Variants in RGS6 observed in about 807,000 individuals in gnomAD.
The protein encoded by RGS6 is regulator of G protein signaling 6, also known as regulator of G-protein signaling 6.
RGS6 carries 30 observed loss-of-function variants against 78.5 expected under a neutral mutation model. The ratio of observed to expected loss-of-function variants is 0.38; its 90% CI spans 0.29 to 0.52. The LOEUF is 0.52. Ranked by LOEUF, RGS6 falls within the 20% of genes least tolerant of loss-of-function variation. The pLI, the probability that RGS6 is intolerant of heterozygous loss-of-function variation, is 0.85. For synonymous variants in RGS6, 206 were observed against 206.0 expected, an observed-to-expected ratio of 1.00 and a Z score of 0.00; for missense variants, 495 against 609.7, an observed-to-expected ratio of 0.81 and a Z score of 1.98.
intron 3 of RGS6, among the ~76,000 whole-genome samples, chr14:72,385,401 T>G (rs2239221): frequency 0.53 from 80,894 of 152,028 alleles, 23,461 homozygotes; most frequent in African/African-American, 0.77. Flanking sequence ...CAGACAGTGT[T>G]CACATTTGGA....
the RGS6 span, among the ~76,000 whole-genome samples, chr14:72,591,858 G>A: frequency 2.6e-5 from 4 of 152,264 alleles, no homozygotes; most frequent in East Asian, 1.9e-4. Context: ...TAGCCTCACC[G>A]TGGACATCCT....
intron 2 of RGS6, among the ~76,000 whole-genome samples, chr14:72,186,573 A>G (rs2097251028): frequency 6.6e-6 from 1 of 152,100 alleles, no homozygotes; most frequent in African/African-American, 2.4e-5. Context: ...TCTGTCTGGG[A>G]TAATAAAAAC....
At chr14:72,260,018 C>A (rs2057856616) in intron 2 of RGS6, among the ~76,000 whole-genome samples, 1 of 151,880 alleles carries the variant, frequency 6.6e-6, no homozygotes, top group Non-Finnish European at 1.5e-5. Context: ...CCCAGAGTAT[C>A]CATTCCAATT....
intron 2 of RGS6, among the ~76,000 whole-genome samples, chr14:72,003,884 G>A (rs780992838): frequency 6.6e-6 from 1 of 152,136 alleles, no homozygotes; most frequent in Non-Finnish European, 1.5e-5. Context: ...CTCCCAGGAC[G>A]GCGCATGAGC....
chr14:72,484,748 T>A (rs757708571), intron 12 of RGS6, among the ~76,000 whole-genome samples: 5 of 152,158 alleles, frequency 3.3e-5, no homozygotes, highest in Non-Finnish European at 7.4e-5. Flanking sequence ...AGGTTTTGCA[T>A]TAATAACTGT....
At position 72,010,659 on chromosome 14, in the gene RGS6, T is replaced by G. The variant is rs550833228; in HGVS notation, c.84+45784T>G. ...CAACAAACCAGATTGAAAATCAAAA[T>G]GGAGTCACTCATGCTAAAGTTCCAT... On this transcript the variant is annotated intron_variant, in intron 2 of 17. Coordinates refer to ENST00000553525, the MANE Select transcript of RGS6 (RefSeq NM_001204424.2). Among the ~76,000 whole-genome samples, 5 of 152,258 alleles carry G rather than the reference T, an allele frequency of 3.3e-5. No homozygotes were observed. In the South Asian group the frequency reaches 1.0e-3, roughly 32 times the overall value.
rs55943058 is a variant in RGS6 at position 72,363,999 on chromosome 14, T to TAAAAAAAAAAAAAAAA, written c.184+11817_184+11832dup. On this transcript the variant is annotated intron_variant, in intron 3 of 17. Transcript: ENST00000553525. ...ACCATCACTTGTCAGTGGACAAGGCTAAAAAAAAAAAAAAAAAAAAAAAAA... is the reference window on the plus strand; with the variant it reads ...ACCATCACTTGTCAGTGGACAAGGCTAAAAAAAAAAAAAAAAAAAAAAAAAAAAAAAAAAAAAAAAA... 1.1e-4 allele frequency among the ~76,000 whole-genome samples: 5 copies of TAAAAAAAAAAAAAAAA among 46,800 alleles called. 2 individuals are homozygous for TAAAAAAAAAAAAAAAA. The highest frequency in any genetic ancestry group is 2.6e-4 in the African/African-American group (4 of 15,210). 30.7% of individuals were successfully genotyped at this position (46,800 alleles called of 152,430 possible). A position where few individuals can be genotyped will look rare whatever the true frequency, so the allele number is the denominator to read the frequency against.
intron 2 of RGS6, among the ~76,000 whole-genome samples, chr14:72,134,746 G>C (rs1383947898): frequency 6.6e-6 from 1 of 152,204 alleles, no homozygotes; most frequent in Non-Finnish European, 1.5e-5. Flanking sequence ...AGAACCAGGG[G>C]AGTTGATGGT....
intron 2 of RGS6, among the ~76,000 whole-genome samples, chr14:72,303,748 A>G (rs1376236722): frequency 6.6e-6 from 1 of 152,208 alleles, no homozygotes; most frequent in Non-Finnish European, 1.5e-5. Context: ...TGTTTCAGCC[A>G]GAGATACTCT....
intron 3 of RGS6, among the ~76,000 whole-genome samples, chr14:72,425,118 A>G (rs965755230): frequency 2.6e-5 from 4 of 152,218 alleles, no homozygotes; most frequent in African/African-American, 9.6e-5. Flanking sequence ...ACCATAAAAG[A>G]AAGAATTGAT....
chr14:72,585,054 C>G, the RGS6 span, among the ~76,000 whole-genome samples: 1 of 143,972 alleles, frequency 6.9e-6, no homozygotes, highest in Non-Finnish European at 1.5e-5. Flanking sequence ...GTCTTCATTT[C>G]CAAAAAAAAA....
At chr14:72,035,488 T>TA (rs2091567208) in intron 2 of RGS6, among the ~76,000 whole-genome samples, 1 of 152,164 alleles carries the variant, frequency 6.6e-6, no homozygotes, top group South Asian at 2.1e-4. Flanking sequence ...ACTCTAGTCT[T>TA]TATTATTTCC....
chr14:72,037,344 C>T (rs182066952), intron 2 of RGS6, among the ~76,000 whole-genome samples: 92 of 152,250 alleles, frequency 6.0e-4, no homozygotes, highest in Non-Finnish European at 1.1e-3. Context: ...TCTTTGGGTC[C>T]GCACCACCTT....
chr14:72,509,732 C>T (rs2096855929), intron 13 of RGS6, among the ~76,000 whole-genome samples: 1 of 152,164 alleles, frequency 6.6e-6, no homozygotes, highest in South Asian at 2.1e-4. Flanking sequence ...ATAATTTCTC[C>T]CCTGAGGATT....
At position 71,963,523 on chromosome 14, in the gene RGS6, G is replaced by A. The variant is rs138989572; in HGVS notation, c.-20-1249G>A. Among the ~76,000 whole-genome samples the A allele has an allele frequency of 1.4e-3, 211 of 152,212 alleles. 1 individual carries two copies. Among genetic ancestry groups the A allele is most frequent in the African/African-American group, 4.7e-3 (197 of 41,526 alleles). The stretch of plus-strand genomic sequence containing the variant: ...AGTCACCCATTCCATCCTCCCTGCA[G>A]CTACTGGCAGCTACCAATCTGTTTC... On this transcript the variant is annotated intron_variant, in intron 1 of 17. Coordinates refer to ENST00000553525, the MANE Select transcript of RGS6 (RefSeq NM_001204424.2).
intron 13 of RGS6, among the ~76,000 whole-genome samples, chr14:72,502,495 G>A (rs1436767457): frequency 6.6e-6 from 1 of 152,218 alleles, no homozygotes; most frequent in African/African-American, 2.4e-5. Context: ...GCCAGGCGCG[G>A]TGACTTATGC....
the RGS6 span, among the ~76,000 whole-genome samples, chr14:71,920,116 A>G: frequency 6.6e-6 from 1 of 152,220 alleles, no homozygotes; most frequent in South Asian, 2.1e-4. Flanking sequence ...GGGTAAACTA[A>G]TCATCCTACC....
At chr14:72,018,791 T>C (rs2087675338) in intron 2 of RGS6, among the ~76,000 whole-genome samples, 1 of 152,206 alleles carries the variant, frequency 6.6e-6, no homozygotes, top group Non-Finnish European at 1.5e-5. Context: ...TCCCTCACCA[T>C]GATCCTGTCA....
intron 2 of RGS6, among the ~76,000 whole-genome samples, chr14:72,320,125 C>G (rs2071490392): frequency 6.6e-6 from 1 of 152,152 alleles, no homozygotes; most frequent in Admixed American, 6.5e-5. Flanking sequence ...CAGCAACATT[C>G]CAAGATTGCA....
Sources: gnomAD v4.1 joint callset for allele counts (sites outside exome capture counted in the v4.1 genomes callset) on GRCh38, gnomAD v4.1.1 for gene constraint, MANE v1.5 for transcripts, NCBI Gene and HGNC (gene_info 2026-07-23, HGNC 2026-07-21) for gene names.